Variants in ST3GAL3 observed in about 807,000 individuals in gnomAD.
ST3GAL3 encodes the protein ST3 beta-galactoside alpha-2,3-sialyltransferase 3, also known as CMP-N-acetylneuraminate-beta-1,4-galactoside alpha-2,3-sialyltransferase.
In ST3GAL3, 21 loss-of-function variants were observed where a neutral mutation model predicts 50.1. The observed-to-expected ratio is 0.42, with a 90% CI of 0.30 to 0.60. The LOEUF is 0.60. ST3GAL3 is among the 20% of genes least tolerant of loss of function. The pLI is 0.19. For missense variants in ST3GAL3, 353 were observed against 489.4 expected, an observed-to-expected ratio of 0.72 and a Z score of 2.63; for synonymous variants, 183 against 190.0, an observed-to-expected ratio of 0.96 and a Z score of 0.30.
chr1:43,718,755 T>G (rs1429803661), intron 1 of ST3GAL3, among the ~76,000 whole-genome samples: 1 of 150,002 alleles, frequency 6.7e-6, no homozygotes, highest in African/African-American at 2.5e-5. Context: ...TGGAGTGATC[T>G]TGACTCACTG....
chr1:43,712,244 G>C (rs1665137194), intron 1 of ST3GAL3, among the ~76,000 whole-genome samples: 1 of 152,198 alleles, frequency 6.6e-6, no homozygotes, highest in Non-Finnish European at 1.5e-5. Context: ...GCTGCAGCAA[G>C]GTTAGAAGAA....
Position 43,899,441 on chromosome 1 carries a change from A to G in ST3GAL3, c.558-100A>G, listed in dbSNP as rs1002290397. ...GGGGGCACCTGGGGAGAATAGGTCC[A>G]GGTGACCTGGACTCCCTATTCTCCA... On this transcript the variant is annotated intron_variant, in intron 8 of 11. Coordinates refer to ENST00000347631, the MANE Select transcript of ST3GAL3 (RefSeq NM_006279.5). This position sits in a 1 kb window ranked among gnomAD's most constrained non-coding sequence, Gnocchi z 5.4. 3.3e-5 allele frequency: 52 copies of G among 1,580,450 alleles called. No homozygotes were observed. The highest frequency in any genetic ancestry group is 4.5e-5 in the Non-Finnish European group (52 of 1,162,042).
chr1:43,917,371 T>C (rs1218540418), intron 9 of ST3GAL3, among the ~76,000 whole-genome samples: 2 of 140,458 alleles, frequency 1.4e-5, no homozygotes, highest in East Asian at 2.0e-4. Flanking sequence ...TTTTAAAATA[T>C]GCATTTCTTA....
intron 2 of ST3GAL3, among the ~76,000 whole-genome samples, chr1:43,791,019 T>A (rs2058012341): frequency 6.6e-6 from 1 of 152,192 alleles, no homozygotes; most frequent in Non-Finnish European, 1.5e-5. Context: ...GTATTTCAGT[T>A]GCTCTGGAGC....
intron 2 of ST3GAL3, among the ~76,000 whole-genome samples, chr1:43,765,777 G>A (rs1218255382): frequency 1.4e-5 from 2 of 144,558 alleles, no homozygotes; most frequent in African/African-American, 5.5e-5. Context: ...GTGTGTGTGT[G>A]TGTGTGTGCG....
chr1:43,913,325 C>G (rs2081254361), intron 9 of ST3GAL3: 1 of 152,182 alleles, frequency 6.6e-6, no homozygotes, highest in African/African-American at 2.4e-5. Flanking sequence ...CTGTAAAACG[C>G]ACAGCATCTC....
intron 3 of ST3GAL3, among the ~76,000 whole-genome samples, chr1:43,807,417 A>AAAATAAATAAATAAATAAAT (rs59894927): frequency 0.019 from 2,766 of 142,646 alleles, 49 homozygotes; most frequent in Non-Finnish European, 0.029. Context: ...CTCTGTCTCA[A>AAAATAAATAAATAAATAAAT]AAATAAATAA....
chr1:43,714,686 A>G (rs2154063363), intron 1 of ST3GAL3, among the ~76,000 whole-genome samples: 1 of 152,342 alleles, frequency 6.6e-6, no homozygotes, highest in African/African-American at 2.4e-5. Flanking sequence ...CTCAGAAGTG[A>G]CACAAATGTG....
chr1:43,773,563 A>G (rs982429517), intron 2 of ST3GAL3, among the ~76,000 whole-genome samples: 3 of 152,196 alleles, frequency 2.0e-5, no homozygotes, highest in African/African-American at 7.2e-5. Flanking sequence ...GTAGATGGAT[A>G]GATAGATAGA....
intron 5 of ST3GAL3, among the ~76,000 whole-genome samples, chr1:43,882,869 GC>G (rs989633478): frequency 5.3e-5 from 8 of 152,154 alleles, no homozygotes; most frequent in African/African-American, 1.7e-4. Context: ...GACTCCCACA[GC>G]CCCCAGCGTC....
chr1:43,926,942 A>T (rs1196075907), intron 11 of ST3GAL3, among the ~76,000 whole-genome samples: 1 of 152,202 alleles, frequency 6.6e-6, no homozygotes, highest in Non-Finnish European at 1.5e-5. Context: ...AGGCATCAAC[A>T]GGCGGCCAAC....
At chr1:43,717,657 C>T (rs1668048100) in intron 1 of ST3GAL3, among the ~76,000 whole-genome samples, 1 of 151,748 alleles carries the variant, frequency 6.6e-6, no homozygotes, top group African/African-American at 2.4e-5. Flanking sequence ...ACCACCATGC[C>T]CCGGTAATTT....
At chr1:43,744,314 A>G (rs1458448026) in intron 2 of ST3GAL3, among the ~76,000 whole-genome samples, 1 of 151,642 alleles carries the variant, frequency 6.6e-6, no homozygotes, top group Non-Finnish European at 1.5e-5. Context: ...CAGTGGAGTG[A>G]TTTTAGCTCA....
intron 5 of ST3GAL3, among the ~76,000 whole-genome samples, chr1:43,856,713 A>G (rs2068454487): frequency 6.6e-6 from 1 of 151,958 alleles, no homozygotes; most frequent in Non-Finnish European, 1.5e-5. Context: ...TCTGCCCACC[A>G]ATTTTTTTTC....
chr1:43,912,052 G>A (rs565441004), intron 9 of ST3GAL3: 1 of 152,252 alleles, frequency 6.6e-6, no homozygotes, highest in Non-Finnish European at 1.5e-5. Flanking sequence ...ACGTCCATTT[G>A]TAATTTTGTC....
chr1:43,769,327 C>T (rs1157032361), intron 2 of ST3GAL3, among the ~76,000 whole-genome samples: 1 of 152,126 alleles, frequency 6.6e-6, no homozygotes. Context: ...AAAGTTTTCC[C>T]TTCAAGATCA....
chr1:43,857,568 T>TTCCTTCCTTCCTTCCTTCCTTCCTTCC (rs1558604954), intron 5 of ST3GAL3, among the ~76,000 whole-genome samples: 1 of 34,434 alleles, frequency 2.9e-5, no homozygotes, highest in Non-Finnish European at 8.5e-5. Flanking sequence ...TCCTTCCTTC[T>TTCCTTCCTTCCTTCCTTCCTTCCTTCC]TTCTTTCCTT....
intron 5 of ST3GAL3, chr1:43,842,251 C>T (rs1019627800): frequency 1.3e-5 from 2 of 152,156 alleles, no homozygotes; most frequent in African/African-American, 4.8e-5. Flanking sequence ...CTCTTCCAAC[C>T]TCTATCCATT....
At chr1:43,907,915 C>A (rs749925992) in intron 9 of ST3GAL3, among the ~76,000 whole-genome samples, 1 of 152,158 alleles carries the variant, frequency 6.6e-6, no homozygotes, top group Non-Finnish European at 1.5e-5. Flanking sequence ...CCCTGTTTGC[C>A]GTCTGTTTCT....
Sources: gnomAD v4.1 joint callset for allele counts (sites outside exome capture counted in the v4.1 genomes callset) on GRCh38, gnomAD v4.1.1 for gene constraint, Gnocchi (gnomAD v3.1) non-coding constraint, MANE v1.5 for transcripts, NCBI Gene and HGNC (gene_info 2026-07-23, HGNC 2026-07-21) for gene names.